The following FREM3 variants were observed in gnomAD, a reference collection of about 807,000 sequenced individuals.
The protein encoded by FREM3 is FRAS1-related extracellular matrix protein 3.
Under a neutral mutation model 129.1 loss-of-function variants are expected in FREM3, and 105 were observed. That is an observed-to-expected ratio of 0.81 (90% CI 0.69 to 0.96). The LOEUF is 0.96. Ranked by LOEUF, FREM3 falls within the 40% of genes least tolerant of loss-of-function variation. The probability of loss-of-function intolerance (pLI) is 0.00; values close to 1 mark genes in which losing one functional copy is unlikely to be tolerated. For synonymous variants in FREM3, 1,014 were observed against 1,044.9 expected (o/e 0.97, Z 0.57); for missense variants, 2,593 against 2,666.3 (o/e 0.97, Z 0.61).
At chr4:143,588,905 G>GT (rs1406836759) in intron 6 of FREM3, among the ~76,000 whole-genome samples, 37 of 151,152 alleles carry the variant, frequency 2.4e-4, no homozygotes, top group African/African-American at 8.8e-4. Flanking sequence ...TCCAGCACCT[G>GT]TCGTTTCCTG....
intron 2 of FREM3, among the ~76,000 whole-genome samples, chr4:143,679,004 G>A (rs1042822011): frequency 1.3e-5 from 2 of 152,046 alleles, no homozygotes; most frequent in African/African-American, 4.8e-5. Context: ...TTTTTTTAAG[G>A]ATACATAACA....
At chr4:143,587,924 C>T (rs1738270061) in intron 6 of FREM3, among the ~76,000 whole-genome samples, 1 of 152,212 alleles carries the variant, frequency 6.6e-6, no homozygotes, top group African/African-American at 2.4e-5. Context: ...CAAGTTCATT[C>T]TGGCTCACTC....
chr4:143,620,502 G>C (rs1363532983), intron 5 of FREM3, among the ~76,000 whole-genome samples: 1 of 152,126 alleles, frequency 6.6e-6, no homozygotes, highest in African/African-American at 2.4e-5. Context: ...GCTAAATCTG[G>C]CTGTATAGAA....
intron 7 of FREM3, among the ~76,000 whole-genome samples, chr4:143,579,670 G>C (rs1292254224): frequency 2.0e-5 from 3 of 152,174 alleles, no homozygotes. Flanking sequence ...ATGGATGGTA[G>C]AGCAAGGATG....
chr4:143,672,318 A>T (rs1179878711), intron 2 of FREM3, among the ~76,000 whole-genome samples: 1 of 152,236 alleles, frequency 6.6e-6, no homozygotes, highest in Non-Finnish European at 1.5e-5. Context: ...TCGACCAGCA[A>T]GAGACTTTGT....
chr4:143,628,573 T>C (rs1261890315), intron 2 of FREM3, among the ~76,000 whole-genome samples: 1 of 152,164 alleles, frequency 6.6e-6, no homozygotes, highest in African/African-American at 2.4e-5. Flanking sequence ...GTGTATGAAC[T>C]TTACCAAATA....
intron 6 of FREM3, among the ~76,000 whole-genome samples, chr4:143,594,747 G>C (rs1738437191): frequency 6.6e-6 from 1 of 152,130 alleles, no homozygotes; most frequent in Admixed American, 6.5e-5. Context: ...AGTGTCACTT[G>C]GAAAAAATGT....
chr4:143,646,536 C>T (rs1050769567), intron 2 of FREM3, among the ~76,000 whole-genome samples: 3 of 152,116 alleles, frequency 2.0e-5, no homozygotes, highest in African/African-American at 7.2e-5. Flanking sequence ...TGAATGAGTT[C>T]TCACAAGATC....
chr4:143,648,869 C>T (rs1739464181), intron 2 of FREM3, among the ~76,000 whole-genome samples: 2 of 152,164 alleles, frequency 1.3e-5, no homozygotes, highest in African/African-American at 4.8e-5. Context: ...CTCAAGCTGT[C>T]TCCCACCTCA....
At position 143,700,261 on chromosome 4, in the gene FREM3, C is replaced by G; in HGVS notation, c.415G>C (p.Val139Leu). The change falls in exon 1 of 8, where the codon GTG becomes CTG. Residue 139 changes from valine to leucine, a missense_variant. Val to Leu is a conservative substitution (Grantham distance 32). Around this residue, in one of 2 missense-constraint regions of FREM3, gnomAD observed 2,276 missense variants for 2,267.2 expected, o/e 1.00. Transcript: ENST00000329798. The stretch of plus-strand genomic sequence containing the variant: ...GCGTCGTAGCGCAGCTGCAGCAGCA[C>G]CCGGGCGCGTCCGGGGCTGTGGGAG... ...FGSHSPGRAR[V>L]LLQLRYDAPT... is the part of the protein sequence containing the mutation. 2 of 1,536,070 alleles carry G rather than the reference C, an allele frequency of 1.3e-6. No homozygotes were observed. Among genetic ancestry groups the G allele is most frequent in the South Asian group, 2.4e-5 (2 of 84,012 alleles).
intron 2 of FREM3, among the ~76,000 whole-genome samples, chr4:143,631,167 G>A (rs931977325): frequency 6.6e-6 from 1 of 152,028 alleles, no homozygotes; most frequent in Non-Finnish European, 1.5e-5. Flanking sequence ...CTGCTAAAAA[G>A]GTTCTTTTAT....
At chr4:143,669,683 T>C (rs1013036411) in intron 2 of FREM3, among the ~76,000 whole-genome samples, 1 of 151,696 alleles carries the variant, frequency 6.6e-6, no homozygotes, top group African/African-American at 2.4e-5. Context: ...ACAAGTCACC[T>C]AAGGACTTGT....
chr4:143,662,293 T>C (rs1314101140), intron 2 of FREM3, among the ~76,000 whole-genome samples: 3 of 152,212 alleles, frequency 2.0e-5, no homozygotes, highest in Non-Finnish European at 4.4e-5. Context: ...GTTGTGTCTT[T>C]GTTCTCATTG....
intron 4 of FREM3, among the ~76,000 whole-genome samples, chr4:143,623,069 T>TTATA (rs1738982797): frequency 6.6e-6 from 1 of 152,226 alleles, no homozygotes; most frequent in African/African-American, 2.4e-5. Flanking sequence ...ACTTCTCAAA[T>TTATA]TATGTTTTAA....
chr4:143,586,082 C>A, intron 6 of FREM3, 89 bp from the exon 7 acceptor site: 1 of 1,300,810 alleles, frequency 7.7e-7, no homozygotes, highest in South Asian at 1.4e-5. Flanking sequence ...GGGCATTTGT[C>A]ATAATTGTCA....
intron 2 of FREM3, among the ~76,000 whole-genome samples, chr4:143,690,600 A>G (rs954990243): frequency 1.3e-5 from 2 of 152,154 alleles, no homozygotes; most frequent in African/African-American, 4.8e-5. Context: ...TGTTAGTGCT[A>G]TGTGCTATTA....
intron 4 of FREM3, 54 bp from the exon 5 acceptor site, chr4:143,621,216 T>C (rs1738944819): frequency 6.7e-7 from 1 of 1,498,116 alleles, no homozygotes; most frequent in South Asian, 1.2e-5. Context: ...ATCGGTGATA[T>C]TTAAACACAC....
intron 2 of FREM3, among the ~76,000 whole-genome samples, chr4:143,637,231 A>G (rs1204743193): frequency 6.6e-6 from 1 of 150,854 alleles, no homozygotes; most frequent in East Asian, 2.0e-4. Context: ...CTCCAGTTAC[A>G]TGTCTACAGA....
intron 7 of FREM3, among the ~76,000 whole-genome samples, chr4:143,578,800 G>A (rs1203610104): frequency 6.6e-6 from 1 of 152,234 alleles, no homozygotes; most frequent in Non-Finnish European, 1.5e-5. Flanking sequence ...TCAAGGTGTT[G>A]AGAGGACTGT....
Sources: gnomAD v4.1 joint callset for allele counts (sites outside exome capture counted in the v4.1 genomes callset) on GRCh38, gnomAD v4.1.1 for gene constraint, gnomAD v4.1.1 regional missense constraint, MANE v1.5 for transcripts, NCBI Gene and HGNC (gene_info 2026-07-23, HGNC 2026-07-21) for gene names.